The following HDLBP variants were observed in gnomAD, a reference collection of about 807,000 sequenced individuals.
The protein encoded by HDLBP is high density lipoprotein binding protein.
HDLBP carries 30 observed loss-of-function variants against 137.3 expected under a neutral mutation model. The observed-to-expected ratio is 0.22, with a 90% CI of 0.16 to 0.30. The LOEUF (loss-of-function observed/expected upper bound fraction) is 0.30, where lower values mean the gene tolerates loss of function less well. Among genes scored for constraint, HDLBP ranks in the 10% least tolerant of loss-of-function variants. The pLI is 1.00. For missense variants in HDLBP, 1,119 were observed against 1,667.3 expected, an observed-to-expected ratio of 0.67 and a Z score of 5.73; for synonymous variants, 606 against 596.0, an observed-to-expected ratio of 1.02 and a Z score of -0.24.
chr2:241,255,145 G>A lies in HDLBP; in HGVS notation c.1094C>T (p.Thr365Ile). 1 of 1,614,120 alleles carries A rather than the reference G, an allele frequency of 6.2e-7. No individual in the cohort carries two copies. Among genetic ancestry groups the A allele is most frequent in the Non-Finnish European group, 8.5e-7 (1 of 1,179,968 alleles). ...GGAAGGGGCGGCGACAGAGGAGACG[G>A]TGAAGCTATTGGCCTAAGAAAATGG... ...TEVYAKANSF[T>I]VSSVAAPSWL... Residue 365 changes from threonine to isoleucine, a missense_variant, in exon 9 of 28, where the codon ACC becomes ATC. Transcript: ENST00000310931.
intron 1 of HDLBP, among the ~76,000 whole-genome samples, chr2:241,275,489 G>GA (rs1221662952): frequency 2.0e-5 from 3 of 151,978 alleles, no homozygotes; most frequent in Non-Finnish European, 4.4e-5. Context: ...AAAGAGAAAA[G>GA]AAAAAATCCA....
chr2:241,281,414 G>A (rs947126822), intron 1 of HDLBP, among the ~76,000 whole-genome samples: 4 of 152,134 alleles, frequency 2.6e-5, no homozygotes, highest in Non-Finnish European at 5.9e-5. Context: ...CCAGCTACTC[G>A]GGAGGCTGAG....
chr2:241,253,299 G>A (rs541638414), intron 10 of HDLBP, 94 bp downstream of exon 10: 28 of 876,122 alleles, frequency 3.2e-5, no homozygotes, highest in African/African-American at 1.1e-4. Flanking sequence ...GTCTGTGCCC[G>A]GACATGTGGG....
At chr2:241,253,896 C>T (rs3771345) in intron 9 of HDLBP, among the ~76,000 whole-genome samples, 5,073 of 152,266 alleles carry the variant, frequency 0.033, 530 homozygotes, top group Admixed American at 0.19. Context: ...GGTAAAGTAA[C>T]TTGCTTGACA....
chr2:241,256,581 G>T lies in HDLBP; in HGVS notation c.657+19C>A. The T allele has an allele frequency of 6.2e-7, 1 of 1,610,996 alleles. No homozygotes were observed. Among genetic ancestry groups the T allele is most frequent in the Non-Finnish European group, 8.5e-7 (1 of 1,178,068 alleles). ...ACAAGCAGGTAGGCAGGGGCACGAG[G>T]CACTCACACAGGCCTCACCTGCTCG... On this transcript the variant is annotated intron_variant, in intron 6 of 27. Coordinates refer to ENST00000310931, the MANE Select transcript of HDLBP (RefSeq NM_005336.6).
chr2:241,297,754 G>A (rs574813908), intron 1 of HDLBP, among the ~76,000 whole-genome samples: 1 of 152,144 alleles, frequency 6.6e-6, no homozygotes, highest in Admixed American at 6.6e-5. Context: ...AGAAGAGAAA[G>A]AGACAGAGAA....
chr2:241,274,174 G>A (rs1347959503), intron 1 of HDLBP, among the ~76,000 whole-genome samples: 2 of 152,016 alleles, frequency 1.3e-5, no homozygotes, highest in Non-Finnish European at 2.9e-5. Context: ...GGCAGGTGGG[G>A]AAGTGGAGCA....
At chr2:241,301,051 A>C (rs2075380579) in intron 1 of HDLBP, among the ~76,000 whole-genome samples, 1 of 150,852 alleles carries the variant, frequency 6.6e-6, no homozygotes, top group Admixed American at 6.6e-5. Context: ...ATCTCTGCTC[A>C]CTGCAAGCTC....
intron 1 of HDLBP, among the ~76,000 whole-genome samples, chr2:241,299,859 G>A (rs1575047468): frequency 6.6e-6 from 1 of 152,014 alleles, no homozygotes; most frequent in East Asian, 1.9e-4. Context: ...AGCTTGCAGT[G>A]AGCCGAGATC....
chr2:241,241,274 C>T (rs2071183692), intron 17 of HDLBP, among the ~76,000 whole-genome samples: 2 of 152,052 alleles, frequency 1.3e-5, no homozygotes, highest in South Asian at 4.2e-4. Context: ...AATAAGGATC[C>T]ACAAAACAGT....
chr2:241,269,736 C>T (rs1056098875), intron 1 of HDLBP, among the ~76,000 whole-genome samples: 3 of 152,178 alleles, frequency 2.0e-5, no homozygotes, highest in Non-Finnish European at 4.4e-5. Flanking sequence ...TCCAAAGTGT[C>T]AGATTAGCAC....
Position 241,266,746 on chromosome 2 carries a change from A to G in HDLBP, c.76+48T>C. Reference sequence around the variant, plus strand: ...GGGATTTGGTAAAGGCTTTAGAGGGAGCAATGCCTTAGACATTACCAGGAA... The same window carrying G: ...GGGATTTGGTAAAGGCTTTAGAGGGGGCAATGCCTTAGACATTACCAGGAA... On this transcript the variant is annotated intron_variant, in intron 3 of 27. Transcript: ENST00000310931. 3.4e-6 allele frequency: 4 copies of G among 1,180,540 alleles called. No homozygotes were observed. The South Asian group carries it at 4.9e-5, about 14-fold the overall frequency. The allele number at this position is 1,180,540 out of a possible 1,614,324, so 73.1% of individuals were successfully genotyped here. A position where few individuals can be genotyped will look rare whatever the true frequency, so the allele number is the denominator to read the frequency against.
chr2:241,232,932 C>CT (rs1248576865), intron 24 of HDLBP, among the ~76,000 whole-genome samples: 2 of 151,810 alleles, frequency 1.3e-5, no homozygotes, highest in African/African-American at 4.8e-5. Context: ...CCTGGCCTGG[C>CT]TGGTGTGTGT....
intron 11 of HDLBP, among the ~76,000 whole-genome samples, chr2:241,251,296 C>A (rs890443078): frequency 1.3e-5 from 2 of 152,156 alleles, no homozygotes; most frequent in Non-Finnish European, 2.9e-5. Context: ...CAAAACAAAA[C>A]CGTAAAAGCA....
chr2:241,279,891 CAG>C (rs2074533168), intron 1 of HDLBP: 4 of 983,274 alleles, frequency 4.1e-6, no homozygotes. Flanking sequence ...CATGGATAAA[CAG>C]AGGTATACAA....
chr2:241,259,509 CCTTTTCTGGGA>C (rs373589244), intron 5 of HDLBP, among the ~76,000 whole-genome samples: 28 of 130,636 alleles, frequency 2.1e-4, no homozygotes, highest in African/African-American at 7.2e-4. Context: ...TCATGATTTT[CCTTTTCTGGGA>C]CTCTGTCACC....
intron 17 of HDLBP, among the ~76,000 whole-genome samples, chr2:241,241,523 C>T (rs1430807178): frequency 2.5e-5 from 3 of 120,030 alleles, no homozygotes; most frequent in Non-Finnish European, 3.2e-5. Context: ...GGCGAGATTG[C>T]GCCACTACAC....
chr2:241,266,563 G>C, intron 3 of HDLBP: 1 of 499,862 alleles, frequency 2.0e-6, no homozygotes, highest in South Asian at 2.9e-5. Context: ...TGGCTTTCCA[G>C]AAAGCTGCCC....
intron 16 of HDLBP, among the ~76,000 whole-genome samples, chr2:241,244,313 C>T (rs1284696410): frequency 6.6e-6 from 1 of 152,138 alleles, no homozygotes; most frequent in African/African-American, 2.4e-5. Context: ...CAAAAATTGT[C>T]CACATTTGAT....
Sources: allele counts gnomAD v4.1 joint callset (sites outside exome capture counted in the v4.1 genomes callset), GRCh38; gene constraint gnomAD v4.1.1; transcripts MANE v1.5; gene names NCBI Gene and HGNC (gene_info 2026-07-23, HGNC 2026-07-21).